The following BTD variants were observed in gnomAD, a reference collection of about 807,000 sequenced individuals.
BTD encodes biocytinase.
BTD carries 13 observed loss-of-function variants against 17.7 expected under a neutral mutation model. The observed-to-expected ratio is 0.74, with a 90% confidence interval of 0.48 to 1.17. The LOEUF (loss-of-function observed/expected upper bound fraction) is 1.17, where lower values mean the gene tolerates loss of function less well. Ranked by LOEUF, BTD falls within the 50% of genes most tolerant of loss-of-function variation. BTD has a pLI of 0.00. For synonymous variants in BTD, 240 were observed against 245.2 expected (o/e 0.98, Z 0.20); for missense variants, 674 against 650.4 (o/e 1.04, Z -0.39).
At chr3:15,695,095 C>T (rs2069341423) in intron 3 of BTD, 5 of 1,050,608 alleles carry the variant, frequency 4.8e-6, no homozygotes, top group African/African-American at 1.6e-5. Flanking sequence ...TGTAAAAACA[C>T]TTTCAGCTCT....
rs557385445 is a variant in BTD at position 15,649,255 on chromosome 3, C to CG, written c.*3767_*3768insG. On this transcript the variant is annotated 3_prime_UTR_variant, in exon 4 of 4. Coordinates refer to ENST00000643237, the MANE Select transcript of BTD (RefSeq NM_001370658.1). ...TAGCTGAGTGTCCTCATGATGTGGC[C>CG]CCTGGCTTCCCCTGAAGCAAATGAT... Among the ~76,000 whole-genome samples, 33 of 152,142 alleles carry CG rather than the reference C, an allele frequency of 2.2e-4. No homozygotes were observed. Among genetic ancestry groups the CG allele is most frequent in the Non-Finnish European group, 3.2e-4 (22 of 68,026 alleles).
intron 3 of BTD, among the ~76,000 whole-genome samples, chr3:15,663,216 ACTC>A (rs1327671948): frequency 1.3e-5 from 2 of 151,774 alleles, no homozygotes; most frequent in African/African-American, 4.8e-5. Flanking sequence ...CTGGTCTCGA[ACTC>A]CTCACCTCAG....
At chr3:15,656,688 A>G (rs1166376477), downstream of BTD, among the ~76,000 whole-genome samples, 2 of 152,346 alleles carry the variant, frequency 1.3e-5, no homozygotes, top group African/African-American at 2.4e-5. Context: ...AATTTGTAAT[A>G]TGAATCCTCT....
chr3:15,688,407 C>T (rs973760445), intron 3 of BTD, among the ~76,000 whole-genome samples: 3 of 152,150 alleles, frequency 2.0e-5, no homozygotes, highest in African/African-American at 7.2e-5. Flanking sequence ...TACAGGCATG[C>T]GCCACCAAGT....
intron 4 of BTD, among the ~76,000 whole-genome samples, chr3:15,721,363 G>A: frequency 6.6e-6 from 1 of 152,234 alleles, no homozygotes; most frequent in East Asian, 1.9e-4. Context: ...CATACACAAT[G>A]TCTACTTCAT....
intron 3 of BTD, among the ~76,000 whole-genome samples, chr3:15,659,338 G>C (rs2065900211): frequency 6.6e-6 from 1 of 151,904 alleles, no homozygotes; most frequent in African/African-American, 2.4e-5. Context: ...TGCCTGGGAA[G>C]GGGGGCACTC....
At chr3:15,604,994 A>G (rs533763330) in intron 1 of BTD, among the ~76,000 whole-genome samples, 1 of 152,026 alleles carries the variant, frequency 6.6e-6, no homozygotes, top group Admixed American at 6.5e-5. Flanking sequence ...ACTTTCCCAC[A>G]TTTTCCTATC....
At chr3:15,621,840 T>C (rs557777841) in intron 1 of BTD, among the ~76,000 whole-genome samples, 4 of 152,332 alleles carry the variant, frequency 2.6e-5, no homozygotes, top group Non-Finnish European at 5.9e-5. Flanking sequence ...CCTCAGGTGA[T>C]CCACCTGTCT....
chr3:15,685,533 A>G, intron 3 of BTD: 1 of 1,129,958 alleles, frequency 8.8e-7, no homozygotes, highest in Non-Finnish European at 1.3e-6. Flanking sequence ...TAAAGACCAT[A>G]CTCTCCATAT....
chr3:15,695,341 G>T lies in BTD; in HGVS notation c.400-14719G>T, dbSNP rs2125882205. ...GCTTCCTTTGGCTCCAAAAAATTAG[G>T]TGTTTTGAATAAACAATTTTATATC... On this transcript the variant is annotated intron_variant, in intron 3 of 3. Coordinates refer to the BTD transcript ENST00000672141. 6.0e-6 allele frequency: 4 copies of T among 670,756 alleles called. No individual in the cohort carries two copies. The East Asian group carries it at 1.1e-4, about 19-fold the overall frequency. The allele number at this position is 670,756 out of a possible 1,614,324, so 41.6% of individuals were successfully genotyped here. A position where few individuals can be genotyped will look rare whatever the true frequency, so the allele number is the denominator to read the frequency against.
intron 3 of BTD, among the ~76,000 whole-genome samples, chr3:15,666,057 T>C (rs766257034): frequency 6.6e-6 from 1 of 152,212 alleles, no homozygotes; most frequent in Non-Finnish European, 1.5e-5. Flanking sequence ...ATCATTCTTT[T>C]AGGATCCACT....
At chr3:15,663,893 A>G (rs2065950942) in intron 3 of BTD, among the ~76,000 whole-genome samples, 1 of 152,154 alleles carries the variant, frequency 6.6e-6, no homozygotes, top group Admixed American at 6.5e-5. Flanking sequence ...GAACACATAC[A>G]TGACTGATTT....
At chr3:15,636,469 G>A (rs2065351288) in intron 2 of BTD, among the ~76,000 whole-genome samples, 1 of 152,204 alleles carries the variant, frequency 6.6e-6, no homozygotes, top group African/African-American at 2.4e-5. Context: ...AATATCAGAG[G>A]TTGCCTAAGA....
chr3:15,644,222 A>G, intron 3 of BTD, 94 bp from the exon 4 acceptor site: 2 of 1,319,066 alleles, frequency 1.5e-6, no homozygotes, highest in African/African-American at 1.5e-5. Flanking sequence ...GGGTGGTCTC[A>G]ATCTCCTGAC....
At chr3:15,692,387 C>T (rs1248512704) in intron 3 of BTD, among the ~76,000 whole-genome samples, 1 of 152,120 alleles carries the variant, frequency 6.6e-6, no homozygotes, top group Admixed American at 6.6e-5. Context: ...GAATTCAAGA[C>T]TGTAGTGAGC....
chr3:15,707,825 A>G, intron 3 of BTD: 1 of 1,413,746 alleles, frequency 7.1e-7, no homozygotes, highest in Non-Finnish European at 9.6e-7. Context: ...TCAACAAAAA[A>G]TACAAAGAGG....
downstream of BTD, among the ~76,000 whole-genome samples, chr3:15,656,665 A>T (rs189855664): frequency 2.0e-4 from 30 of 152,316 alleles, no homozygotes; most frequent in Admixed American, 1.6e-3. Context: ...TTATAAAACA[A>T]AAACAAAGAC....
chr3:15,617,593 C>T (rs1347335239), intron 1 of BTD, among the ~76,000 whole-genome samples: 1 of 152,190 alleles, frequency 6.6e-6, no homozygotes, highest in Non-Finnish European at 1.5e-5. Flanking sequence ...GCCTGGTGTG[C>T]AGTGGTACAC....
chr3:15,695,163 T>C (rs1379013351), intron 3 of BTD: 1 of 1,576,108 alleles, frequency 6.3e-7, no homozygotes, highest in East Asian at 2.2e-5. Context: ...TACTAATTGG[T>C]GGGAGGGAAT....
Sources: allele counts gnomAD v4.1 joint callset (sites outside exome capture counted in the v4.1 genomes callset), GRCh38; gene constraint gnomAD v4.1.1; transcripts MANE v1.5; gene names NCBI Gene and HGNC (gene_info 2026-07-23, HGNC 2026-07-21).